Variants in VWDE observed in about 807,000 individuals in gnomAD.
VWDE encodes von Willebrand factor D and EGF domains.
Under a neutral mutation model 178.4 loss-of-function variants are expected in VWDE, and 207 were observed. The observed-to-expected ratio is 1.16, with a 90% confidence interval of 1.04 to 1.30. VWDE has a LOEUF of 1.30. Ranked by LOEUF, VWDE falls within the 50% of genes most tolerant of loss-of-function variation. VWDE has a pLI of 0.00. For synonymous variants in VWDE, 738 were observed against 651.4 expected (o/e 1.13, Z -2.02); for missense variants, 2,287 against 1,901.3 (o/e 1.20, Z -3.77).
rs752588557 is a variant in VWDE at position 12,379,530 on chromosome 7, G to A, written c.826C>T (p.Pro276Ser). 6.5e-7 allele frequency: 1 copy of A among 1,550,304 alleles called. No individual in the cohort carries two copies. Among genetic ancestry groups the A allele is most frequent in the South Asian group, 1.2e-5 (1 of 83,878 alleles). ...CSASVFFLENPHVQSVAIESQ... is the reference protein window; with the variant it reads ...CSASVFFLENSHVQSVAIESQ... ...TCGATGGCTACACTTTGTACATGAG[G>A]ATTCTCCAAGAAAAAGACAGAAGCG... Residue 276 changes from proline (P) to serine (S), a missense_variant, in exon 6 of 29, where the codon CCT (proline) becomes TCT (serine). By Grantham distance (74) the Pro-to-Ser change is moderately conservative. Coordinates refer to ENST00000275358, the MANE Select transcript of VWDE (RefSeq NM_001135924.3).
At chr7:12,363,468 C>A (rs998474300) in intron 13 of VWDE, among the ~76,000 whole-genome samples, 2 of 151,966 alleles carry the variant, frequency 1.3e-5, no homozygotes, top group Non-Finnish European at 2.9e-5. Flanking sequence ...AGAGTCTTGA[C>A]TGCTTTGGGG....
chr7:12,340,491 A>C, intron 23 of VWDE, 74 bp from the exon 24 acceptor site: 1 of 1,015,162 alleles, frequency 9.9e-7, no homozygotes, highest in Non-Finnish European at 1.5e-6. Context: ...CAGAAGTGCA[A>C]AATGGTGCAT....
intron 19 of VWDE, among the ~76,000 whole-genome samples, chr7:12,350,070 AG>A (rs1040690473): frequency 1.3e-5 from 2 of 152,054 alleles, no homozygotes; most frequent in South Asian, 2.1e-4. Context: ...AATTAAGGAA[AG>A]GGTATTTTCA....
At chr7:12,381,329 A>C (rs995865853) in intron 4 of VWDE, among the ~76,000 whole-genome samples, 1 of 152,182 alleles carries the variant, frequency 6.6e-6, no homozygotes, top group East Asian at 1.9e-4. Flanking sequence ...GGGCATTTGC[A>C]AAATCAAATC....
chr7:12,385,671 T>C (rs1159368886), intron 3 of VWDE, among the ~76,000 whole-genome samples: 1 of 152,212 alleles, frequency 6.6e-6, no homozygotes, highest in Non-Finnish European at 1.5e-5. Context: ...CTTAAGTAGA[T>C]TAAGTGACTG....
chr7:12,388,923 C>T (rs1784234197), intron 3 of VWDE: 1 of 703,700 alleles, frequency 1.4e-6, no homozygotes, highest in Non-Finnish European at 2.7e-6. Context: ...GATGCTTTCA[C>T]GTGTGGGGGG....
At chr7:12,355,856 A>G (rs1782215021) in intron 18 of VWDE, among the ~76,000 whole-genome samples, 1 of 152,184 alleles carries the variant, frequency 6.6e-6, no homozygotes, top group South Asian at 2.1e-4. Flanking sequence ...ACAGGTAGGA[A>G]TGTTTAGGAA....
Position 12,403,568 on chromosome 7 carries a change from T to C in VWDE, c.58+91A>G, listed in dbSNP as rs936665520. The C allele has an allele frequency of 4.7e-6, 6 of 1,269,938 alleles. No homozygotes were observed. In the African/African-American group the frequency reaches 6.0e-5, roughly 13 times the overall value. 78.7% of individuals were successfully genotyped at this position (1,269,938 alleles called of 1,614,324 possible). A position where few individuals can be genotyped will look rare whatever the true frequency, so the allele number is the denominator to read the frequency against. On this transcript the variant is annotated intron_variant, in intron 1 of 28. Transcript: ENST00000275358. ...GCTGCCTTAAAACGCACAGGGACGC[T>C]CCCCAAGTCGTCCAAAAAGTCTAGC...
Position 12,367,479 on chromosome 7 carries a change from T to C in VWDE, c.2776A>G (p.Ile926Val). 1 of 1,513,884 alleles carries C rather than the reference T, an allele frequency of 6.6e-7. No homozygotes were observed. The highest frequency in any genetic ancestry group is 8.8e-7 in the Non-Finnish European group (1 of 1,131,062). The allele number at this position is 1,513,884 out of a possible 1,614,324, so 93.8% of individuals were successfully genotyped here. Residue 926 changes from isoleucine to valine, a missense_variant, in exon 13 of 29, where the codon ATT becomes GTT. Ile to Val is a conservative substitution (Grantham distance 29). Coordinates refer to ENST00000275358, the MANE Select transcript of VWDE (RefSeq NM_001135924.3). ...AATCCAGCATTCCCAAGCTCTGTAA[T>C]TTCAGGAGCTTTGTCTTTGGAAAAA... is the stretch of plus-strand genomic sequence containing the variant. ...CSDSYDKAPE[I>V]TELGNAGFCD... is the part of the protein sequence containing the mutation.
intron 23 of VWDE, among the ~76,000 whole-genome samples, chr7:12,341,846 A>G (rs1041751173): frequency 6.6e-6 from 1 of 152,214 alleles, no homozygotes; most frequent in South Asian, 2.1e-4. Flanking sequence ...GTTGGTTAAG[A>G]TAACAGTAAA....
intron 4 of VWDE, among the ~76,000 whole-genome samples, chr7:12,381,386 C>T (rs1783845043): frequency 6.6e-6 from 1 of 151,860 alleles, no homozygotes; most frequent in African/African-American, 2.4e-5. Flanking sequence ...TAGTTTTGTT[C>T]TGTTTTAGAA....
At chr7:12,379,587 TA>T in intron 5 of VWDE, 21 bp from the exon 6 acceptor site, 1 of 1,500,888 alleles carries the variant, frequency 6.7e-7, no homozygotes. Flanking sequence ...AATTAAAAAA[TA>T]ATCACTTAGA....
chr7:12,373,997 A>G (rs754675034), intron 9 of VWDE, among the ~76,000 whole-genome samples: 2 of 152,126 alleles, frequency 1.3e-5, no homozygotes, highest in African/African-American at 4.8e-5. Context: ...TTTACTGACA[A>G]TTATCATATT....
chr7:12,396,985 A>G (rs1784657579), intron 1 of VWDE, among the ~76,000 whole-genome samples: 1 of 152,044 alleles, frequency 6.6e-6, no homozygotes, highest in Admixed American at 6.6e-5. Context: ...AAAAATGGCC[A>G]TATGCCCTAA....
At chr7:12,344,037 T>C (rs1277386459) in intron 21 of VWDE, among the ~76,000 whole-genome samples, 158 bp downstream of exon 21, 1 of 152,128 alleles carries the variant, frequency 6.6e-6, no homozygotes. Flanking sequence ...GAATAAATTA[T>C]ATTTAATAAG....
At chr7:12,402,773 T>C (rs1390741791) in intron 1 of VWDE, among the ~76,000 whole-genome samples, 1 of 152,186 alleles carries the variant, frequency 6.6e-6, no homozygotes, top group African/African-American at 2.4e-5. Context: ...ATAGTGTTTG[T>C]ATTCCCCTTA....
At chr7:12,340,251 T>C in intron 24 of VWDE, 71 bp downstream of exon 24, 2 of 1,207,740 alleles carry the variant, frequency 1.7e-6, no homozygotes, top group South Asian at 1.5e-5. Context: ...ACTTGTCTCA[T>C]GTTTACTCAG....
At chr7:12,351,185 G>A (rs550894725) in intron 19 of VWDE, among the ~76,000 whole-genome samples, 10 of 152,116 alleles carry the variant, frequency 6.6e-5, no homozygotes, top group African/African-American at 2.4e-4. Context: ...ACCAAATGAG[G>A]GCTATTAAGA....
Position 12,399,917 on chromosome 7 carries a change from CA to C in VWDE, c.58+3741del, listed in dbSNP as rs1397879363. ...ATGGAATGAAATTAGAACTCAATAACAATGAAATTTAAAAAACTTTACAAAT... is the reference window on the plus strand; with the variant it reads ...ATGGAATGAAATTAGAACTCAATAACATGAAATTTAAAAAACTTTACAAAT... On this transcript the variant is annotated intron_variant, in intron 1 of 28. Coordinates refer to ENST00000275358, the MANE Select transcript of VWDE (RefSeq NM_001135924.3). Among the ~76,000 whole-genome samples, 5 of 152,018 alleles carry C rather than the reference CA, an allele frequency of 3.3e-5. No individual in the cohort carries two copies. The East Asian group carries it at 7.7e-4, about 23-fold the overall frequency.
Sources: allele counts gnomAD v4.1 joint callset (sites outside exome capture counted in the v4.1 genomes callset), GRCh38; gene constraint gnomAD v4.1.1; transcripts MANE v1.5; gene names NCBI Gene and HGNC (gene_info 2026-07-23, HGNC 2026-07-21).